Variants in COL24A1 observed in about 807,000 individuals in gnomAD.
COL24A1 encodes collagen alpha-1(XXIV) chain.
A neutral mutation model predicts 253.9 loss-of-function variants in COL24A1; 224 were observed. The observed-to-expected ratio is 0.88, with a 90% confidence interval of 0.79 to 0.99. The LOEUF (loss-of-function observed/expected upper bound fraction) is 0.99. COL24A1 is among the 50% of genes least tolerant of loss of function. COL24A1 has a pLI of 0.00. For missense variants in COL24A1, 2,131 were observed against 2,068.5 expected (o/e 1.03, Z -0.59); for synonymous variants, 685 against 673.7 (o/e 1.02, Z -0.26).
At chr1:85,747,101 C>CTTTTTTTT (rs34758363) in intron 55 of COL24A1, among the ~76,000 whole-genome samples, 3 of 111,276 alleles carry the variant, frequency 2.7e-5, no homozygotes, top group Non-Finnish European at 3.6e-5. Flanking sequence ...TGAATTATAA[C>CTTTTTTTT]TTTTTTTTTT....
Position 85,832,271 on chromosome 1 carries a change from A to G in COL24A1, c.3681+6314T>C, listed in dbSNP as rs553346608. Among the ~76,000 whole-genome samples the G allele has an allele frequency of 1.4e-4, 21 of 152,116 alleles. No homozygotes were observed. In the South Asian group the frequency reaches 2.9e-3, roughly 21 times the overall value. ...GCATTATTTCTGAGGGCTCTGTTCT[A>G]TTCCATTGATCCATATCTCTGTTTT... On this transcript the variant is annotated intron_variant, in intron 43 of 59. Transcript: ENST00000370571.
intron 43 of COL24A1, among the ~76,000 whole-genome samples, chr1:85,829,366 C>T (rs139267783): frequency 0.34 from 50,887 of 149,646 alleles, 9,537 homozygotes; most frequent in Non-Finnish European, 0.42. Context: ...TTTTTTCCTT[C>T]ATTTCAACTT....
intron 4 of COL24A1, among the ~76,000 whole-genome samples, chr1:86,113,837 C>CAAAAAAAAAAAAAAAAAAAAAA (rs36014881): frequency 1.4e-5 from 1 of 72,404 alleles, no homozygotes; most frequent in African/African-American, 6.3e-5. Context: ...TCCTGTCTCA[C>CAAAAAAAAAAAAAAAAAAAAAA]AAAAAAAAAA....
rs985123129 is a variant in COL24A1, at chr1:85,927,239, C to T, written c.2563-15806G>A. Among the ~76,000 whole-genome samples the T allele has an allele frequency of 3.3e-5, 5 of 152,262 alleles. No homozygotes were observed. The East Asian group carries it at 7.7e-4, about 24-fold the overall frequency. On this transcript the variant is annotated intron_variant, in intron 24 of 59. Transcript: ENST00000370571. Reference sequence around the variant, plus strand: ...GTGTGTGTGCGCACCGTGCGCGAGCCGAAGCAGGGCAAGGCATTGCCTCAC... The same window carrying T: ...GTGTGTGTGCGCACCGTGCGCGAGCTGAAGCAGGGCAAGGCATTGCCTCAC...
At chr1:85,997,186 TG>T (rs1315080845) in intron 19 of COL24A1, among the ~76,000 whole-genome samples, 1 of 151,056 alleles carries the variant, frequency 6.6e-6, no homozygotes, top group Non-Finnish European at 1.5e-5. Context: ...GCCAGTACCT[TG>T]GGGTACTTTC....
At chr1:86,109,305 A>G (rs999099550) in intron 5 of COL24A1, among the ~76,000 whole-genome samples, 3 of 120,602 alleles carry the variant, frequency 2.5e-5, no homozygotes, top group Non-Finnish European at 5.2e-5. Flanking sequence ...ACTCAAAAAA[A>G]TTTTCAACAC....
chr1:86,110,580 G>GCGCA (rs1705455118), intron 5 of COL24A1, among the ~76,000 whole-genome samples: 1 of 151,972 alleles, frequency 6.6e-6, no homozygotes, highest in South Asian at 2.1e-4. Flanking sequence ...GGCAGGAACT[G>GCGCA]GGGCTGCGTG....
intron 10 of COL24A1, among the ~76,000 whole-genome samples, chr1:86,056,527 T>C (rs1700672951): frequency 6.6e-6 from 1 of 152,186 alleles, no homozygotes; most frequent in South Asian, 2.1e-4. Flanking sequence ...TTATTGCACA[T>C]ATTGTTTAAA....
chr1:85,947,237 G>A (rs1689413819), intron 24 of COL24A1, among the ~76,000 whole-genome samples: 1 of 152,164 alleles, frequency 6.6e-6, no homozygotes, highest in African/African-American at 2.4e-5. Flanking sequence ...ACTGATCCTA[G>A]TTGCTACCAG....
chr1:86,019,077 T>A (rs1053187668), intron 18 of COL24A1, among the ~76,000 whole-genome samples: 3 of 152,222 alleles, frequency 2.0e-5, no homozygotes, highest in Non-Finnish European at 2.9e-5. Context: ...GACATCCTTA[T>A]GATGTTGGCA....
chr1:86,074,089 C>CT (rs1329006708), intron 7 of COL24A1, among the ~76,000 whole-genome samples: 1 of 152,176 alleles, frequency 6.6e-6, no homozygotes, highest in African/African-American at 2.4e-5. Context: ...ATCATAATGA[C>CT]AGGATCAAAT....
intron 22 of COL24A1, among the ~76,000 whole-genome samples, chr1:85,969,380 GGATCACCTGAGGCCA>G (rs1041325759): frequency 6.6e-6 from 1 of 151,800 alleles, no homozygotes; most frequent in African/African-American, 2.4e-5. Context: ...CGAGGTGGGT[GGATCACCTGAGGCCA>G]GGAGTTCAAG....
chr1:85,803,164 T>C (rs1485618328), intron 47 of COL24A1, among the ~76,000 whole-genome samples: 1 of 152,110 alleles, frequency 6.6e-6, no homozygotes, highest in Non-Finnish European at 1.5e-5. Flanking sequence ...CTTAACAATA[T>C]AGAGGCTGGG....
intron 47 of COL24A1, among the ~76,000 whole-genome samples, chr1:85,812,605 C>T (rs947244096): frequency 6.6e-6 from 1 of 152,082 alleles, no homozygotes; most frequent in Non-Finnish European, 1.5e-5. Context: ...GTTTGAAAGG[C>T]TAATGATAAG....
chr1:86,032,020 T>C, intron 13 of COL24A1, 98 bp from the exon 14 acceptor site: 1 of 912,680 alleles, frequency 1.1e-6, no homozygotes, highest in Non-Finnish European at 1.7e-6. Flanking sequence ...TAAGAATACA[T>C]CAAAATGTAC....
chr1:85,798,755 C>G (rs1384215281), intron 47 of COL24A1, among the ~76,000 whole-genome samples: 1 of 152,148 alleles, frequency 6.6e-6, no homozygotes, highest in African/African-American at 2.4e-5. Context: ...TTTTAGACAA[C>G]ACTTATGCTT....
At position 85,734,947 on chromosome 1, in the gene COL24A1, C is replaced by A. The variant is rs2100816319; in HGVS notation, c.4800G>T (p.Gly1600=). The change falls in exon 59 of 60, where the codon GGG becomes GGT. Residue 1600 remains glycine (G), a synonymous_variant. Transcript: ENST00000370571. ...VSVTKLEFGV[G]KVQMNFLHLL... ...AATGAAGGAAGTTCATCTGGACTTT[C>A]CCAACTCCAAACTCCAACTAATGTC... 1 of 1,614,102 alleles carries A rather than the reference C, an allele frequency of 6.2e-7. No homozygotes were observed. Among genetic ancestry groups the A allele is most frequent in the Non-Finnish European group, 8.5e-7 (1 of 1,179,998 alleles).
At chr1:86,070,552 T>C (rs1022298588) in intron 7 of COL24A1, among the ~76,000 whole-genome samples, 1 of 152,052 alleles carries the variant, frequency 6.6e-6, no homozygotes. Flanking sequence ...AACCCTCAAA[T>C]GTCAAAGATT....
intron 12 of COL24A1, among the ~76,000 whole-genome samples, chr1:86,044,157 T>C (rs936212772): frequency 5.3e-5 from 8 of 152,218 alleles, no homozygotes; most frequent in South Asian, 2.1e-4. Flanking sequence ...AAAACAGTAA[T>C]AAATGACCAT....
Sources: gnomAD v4.1 joint callset for allele counts (sites outside exome capture counted in the v4.1 genomes callset) on GRCh38, gnomAD v4.1.1 for gene constraint, MANE v1.5 for transcripts, NCBI Gene and HGNC (gene_info 2026-07-23, HGNC 2026-07-21) for gene names.